The following MPPED1 variants were observed in gnomAD, a reference collection of about 807,000 sequenced individuals.
MPPED1 encodes the protein metallophosphoesterase domain-containing protein 1.
In MPPED1, 16 loss-of-function variants were observed where a neutral mutation model predicts 36.2. The ratio of observed to expected loss-of-function variants is 0.44; its 90% CI spans 0.30 to 0.67. The LOEUF is 0.67. MPPED1 is among the 30% of genes least tolerant of loss of function. The pLI is 0.10. For missense variants in MPPED1, 307 were observed against 453.4 expected (o/e 0.68, Z 2.93); for synonymous variants, 199 against 191.3 (o/e 1.04, Z -0.33).
At chr22:43,472,458 C>A (rs559198695) in intron 3 of MPPED1, among the ~76,000 whole-genome samples, 2 of 152,212 alleles carry the variant, frequency 1.3e-5, no homozygotes, top group Non-Finnish European at 2.9e-5. Flanking sequence ...CACAGGGAAG[C>A]TAAGTCGTAC....
At chr22:43,465,324 T>C (rs1402140243) in intron 3 of MPPED1, among the ~76,000 whole-genome samples, 1 of 152,234 alleles carries the variant, frequency 6.6e-6, no homozygotes, top group East Asian at 1.9e-4. Flanking sequence ...ATCCTAACAG[T>C]GTTGGTTACC....
At chr22:43,425,798 A>G (rs572469408) in intron 2 of MPPED1, among the ~76,000 whole-genome samples, 19 of 152,308 alleles carry the variant, frequency 1.2e-4, no homozygotes, top group African/African-American at 4.6e-4. Context: ...TGCTTTTCCA[A>G]AAGGACTGGG....
chr22:43,464,297 G>GTA (rs2031340213), intron 3 of MPPED1, among the ~76,000 whole-genome samples: 1 of 80,238 alleles, frequency 1.2e-5, no homozygotes, highest in Non-Finnish European at 2.5e-5. Flanking sequence ...AGCTCTGTGT[G>GTA]TGTGTGTGTG....
intron 3 of MPPED1, among the ~76,000 whole-genome samples, chr22:43,436,333 C>A (rs905899947): frequency 2.0e-5 from 3 of 152,164 alleles, no homozygotes; most frequent in South Asian, 4.1e-4. Context: ...GTCCCTTCCG[C>A]CTCCCCAGGG....
intron 3 of MPPED1, among the ~76,000 whole-genome samples, chr22:43,446,076 G>T (rs1930335529): frequency 6.6e-6 from 1 of 151,072 alleles, no homozygotes; most frequent in African/African-American, 2.4e-5. Flanking sequence ...TCACCATGTT[G>T]CCCAGGCTGG....
At chr22:43,497,927 A>ATGTG (rs1425708956) in intron 4 of MPPED1, among the ~76,000 whole-genome samples, 1 of 81,038 alleles carries the variant, frequency 1.2e-5, no homozygotes, top group Non-Finnish European at 2.2e-5. Context: ...TGATATATAT[A>ATGTG]TGTATATGTA....
chr22:43,456,133 T>C (rs190904907), intron 3 of MPPED1, among the ~76,000 whole-genome samples: 47 of 152,354 alleles, frequency 3.1e-4, no homozygotes, highest in Non-Finnish European at 5.7e-4. Flanking sequence ...ATGCTTTTAT[T>C]TCTTTTTCAT....
intron 2 of MPPED1, among the ~76,000 whole-genome samples, chr22:43,432,009 G>T (rs925483529): frequency 1.3e-5 from 2 of 152,178 alleles, no homozygotes; most frequent in Non-Finnish European, 2.9e-5. Flanking sequence ...ACTGCTCTTG[G>T]CTGGCTGGTG....
intron 3 of MPPED1, among the ~76,000 whole-genome samples, chr22:43,470,896 T>C (rs1931352581): frequency 6.6e-6 from 1 of 152,208 alleles, no homozygotes; most frequent in East Asian, 1.9e-4. Context: ...GTTTCTGTGT[T>C]CATAAGTGGA....
intron 3 of MPPED1, among the ~76,000 whole-genome samples, chr22:43,463,866 T>C (rs1033289914): frequency 6.8e-6 from 1 of 146,530 alleles, no homozygotes; most frequent in Non-Finnish European, 1.5e-5. Flanking sequence ...TTTCTTTCTT[T>C]CTTTCTTTCT....
intron 3 of MPPED1, among the ~76,000 whole-genome samples, chr22:43,465,538 C>T (rs535916461): frequency 1.3e-5 from 2 of 152,290 alleles, no homozygotes; most frequent in Admixed American, 6.5e-5. Flanking sequence ...GCAGGGGCCT[C>T]GAAGGGGCTC....
chr22:43,495,245 G>C (rs1932225107), intron 4 of MPPED1, among the ~76,000 whole-genome samples: 2 of 148,080 alleles, frequency 1.4e-5, no homozygotes, highest in Admixed American at 6.7e-5. Context: ...GGTGGTGGTG[G>C]TGATGGAGGT....
intron 3 of MPPED1, among the ~76,000 whole-genome samples, chr22:43,460,008 A>G (rs2146865287): frequency 6.6e-6 from 1 of 152,256 alleles, no homozygotes; most frequent in Admixed American, 6.5e-5. Context: ...AGAGATCGAG[A>G]CCATCCTGGC....
chr22:43,425,735 C>T (rs1360728443), intron 2 of MPPED1, among the ~76,000 whole-genome samples: 2 of 152,250 alleles, frequency 1.3e-5, no homozygotes, highest in African/African-American at 2.4e-5. Context: ...TTTGTTTCCC[C>T]TCCCTGCCCT....
chr22:43,433,047 G>C (rs1009715270), intron 2 of MPPED1, among the ~76,000 whole-genome samples: 1 of 152,066 alleles, frequency 6.6e-6, no homozygotes, highest in Non-Finnish European at 1.5e-5. Flanking sequence ...GGCTGCCCTT[G>C]GTCTGATCAG....
At chr22:43,471,296 C>T (rs575687212) in intron 3 of MPPED1, among the ~76,000 whole-genome samples, 2 of 152,302 alleles carry the variant, frequency 1.3e-5, no homozygotes, top group South Asian at 2.1e-4. Flanking sequence ...GAATCAGAGC[C>T]CGAAGGCAGC....
At chr22:43,453,147 T>A (rs1289516659) in intron 3 of MPPED1, among the ~76,000 whole-genome samples, 1 of 152,110 alleles carries the variant, frequency 6.6e-6, no homozygotes, top group Non-Finnish European at 1.5e-5. Context: ...AGACGGGGTT[T>A]CACGGTGTTA....
intron 2 of MPPED1, among the ~76,000 whole-genome samples, chr22:43,428,009 C>A (rs150287981): frequency 1.3e-5 from 2 of 152,298 alleles, no homozygotes; most frequent in African/African-American, 4.8e-5. Context: ...GCGCGGTGGG[C>A]AGCAAGCGTT....
In MPPED1 at chr22:43,505,569, G is replaced by A. The variant is rs1220487979; in HGVS notation, c.934G>A (p.Val312Met). 64 of 1,612,612 alleles carry A rather than the reference G, an allele frequency of 4.0e-5. No individual in the cohort carries two copies. Among genetic ancestry groups the A allele is most frequent in the Non-Finnish European group, 4.7e-5 (56 of 1,179,466 alleles). ...CGTATGCACTGTGAACTACCAGCCCGTGAACCCGCCCATAGTCATCGACCT... is the reference window on the plus strand; with the variant it reads ...CGTATGCACTGTGAACTACCAGCCCATGAACCCGCCCATAGTCATCGACCT... ...ASVCTVNYQPVNPPIVIDLPT... is the reference protein window; with the variant it reads ...ASVCTVNYQPMNPPIVIDLPT... Residue 312 changes from valine (V) to methionine (M), a missense_variant, in exon 7 of 7, where the codon GTG becomes ATG. By Grantham distance (21) the Val-to-Met change is conservative. Coordinates refer to ENST00000443721, the MANE Select transcript of MPPED1 (RefSeq NM_001044370.2).
Sources: allele counts gnomAD v4.1 joint callset (sites outside exome capture counted in the v4.1 genomes callset), GRCh38; gene constraint gnomAD v4.1.1; transcripts MANE v1.5; gene names NCBI Gene and HGNC (gene_info 2026-07-23, HGNC 2026-07-21).